Variants in TBC1D8 observed in about 807,000 individuals in gnomAD.
The protein encoded by TBC1D8 is BUB2-like protein 1.
TBC1D8 carries 65 observed loss-of-function variants against 118.8 expected under a neutral mutation model. The observed-to-expected ratio is 0.55, with a 90% confidence interval of 0.45 to 0.67. TBC1D8 has a LOEUF of 0.67. Ranked by LOEUF, TBC1D8 falls within the 30% of genes least tolerant of loss-of-function variation. The pLI is 0.00. For missense variants in TBC1D8, 1,376 were observed against 1,471.2 expected (o/e 0.94, Z 1.06); for synonymous variants, 566 against 595.8 (o/e 0.95, Z 0.73).
chr2:101,077,168 T>C (rs1469363133), intron 2 of TBC1D8, among the ~76,000 whole-genome samples: 2 of 150,914 alleles, frequency 1.3e-5, no homozygotes, highest in Admixed American at 6.6e-5. Flanking sequence ...GGACTACAGG[T>C]GCCCACCACC....
intron 2 of TBC1D8, among the ~76,000 whole-genome samples, chr2:101,074,288 C>T (rs13009132): frequency 0.21 from 32,554 of 152,124 alleles, 3,734 homozygotes; most frequent in Middle Eastern, 0.34. Context: ...AGTTCATCGT[C>T]TTACATGGTT....
At chr2:101,142,483 C>A (rs1679148286) in intron 1 of TBC1D8, among the ~76,000 whole-genome samples, 1 of 152,078 alleles carries the variant, frequency 6.6e-6, no homozygotes, top group Admixed American at 6.5e-5. Flanking sequence ...TTCACAGCAG[C>A]TTTATCTACT....
chr2:101,117,583 T>A (rs1365805720), intron 1 of TBC1D8, among the ~76,000 whole-genome samples: 2 of 147,754 alleles, frequency 1.4e-5, no homozygotes, highest in African/African-American at 5.1e-5. Flanking sequence ...TTTTTTTTTT[T>A]TTTTTTTTGA....
At chr2:101,089,799 T>C (rs1299930827) in intron 2 of TBC1D8, among the ~76,000 whole-genome samples, 2 of 151,342 alleles carry the variant, frequency 1.3e-5, no homozygotes, top group Admixed American at 6.6e-5. Context: ...AGAAACAAGA[T>C]TAAGAAGAAA....
At chr2:101,063,229 T>A (rs552127154) in intron 2 of TBC1D8, among the ~76,000 whole-genome samples, 3 of 152,220 alleles carry the variant, frequency 2.0e-5, no homozygotes, top group Non-Finnish European at 4.4e-5. Flanking sequence ...CAACACAATA[T>A]ATCCCTATGG....
intron 1 of TBC1D8, among the ~76,000 whole-genome samples, chr2:101,117,534 T>C (rs1313539664): frequency 1.3e-5 from 2 of 152,122 alleles, no homozygotes; most frequent in Admixed American, 6.5e-5. Context: ...CACTCATATG[T>C]TCAAGGCCTA....
At chr2:101,069,186 G>C (rs1019544362) in intron 2 of TBC1D8, among the ~76,000 whole-genome samples, 1 of 150,256 alleles carries the variant, frequency 6.7e-6, no homozygotes, top group African/African-American at 2.5e-5. Flanking sequence ...TAGTCTACTC[G>C]GGAGGCTGAG....
At chr2:101,025,793 G>A (rs1680304511) in intron 15 of TBC1D8, among the ~76,000 whole-genome samples, 2 of 152,184 alleles carry the variant, frequency 1.3e-5, no homozygotes, top group African/African-American at 4.8e-5. Context: ...GCCGTTTCAG[G>A]CCCCAATGGC....
At chr2:101,140,073 TA>T (rs1573108603) in intron 1 of TBC1D8, among the ~76,000 whole-genome samples, 1 of 152,188 alleles carries the variant, frequency 6.6e-6, no homozygotes, top group South Asian at 2.1e-4. Context: ...GTTTGAAGCA[TA>T]AAACCTCCCC....
At chr2:101,085,983 T>C (rs1183458595) in intron 2 of TBC1D8, among the ~76,000 whole-genome samples, 2 of 151,828 alleles carry the variant, frequency 1.3e-5, no homozygotes, top group East Asian at 3.9e-4. Flanking sequence ...CTACTAAAAA[T>C]ACAAAAAAAT....
intron 10 of TBC1D8, chr2:101,032,729 C>A: frequency 5.0e-6 from 1 of 199,626 alleles, no homozygotes; most frequent in Non-Finnish European, 1.0e-5. Flanking sequence ...AAACTTAATT[C>A]GCTCACTGAC....
intron 1 of TBC1D8, among the ~76,000 whole-genome samples, chr2:101,122,444 G>A (rs1379618563): frequency 7.9e-6 from 1 of 126,544 alleles, no homozygotes; most frequent in Non-Finnish European, 1.7e-5. Flanking sequence ...AATACAAAAA[G>A]GTTAACTGTG....
chr2:101,061,943 C>G (rs978594964), intron 2 of TBC1D8, among the ~76,000 whole-genome samples: 2 of 152,234 alleles, frequency 1.3e-5, no homozygotes, highest in African/African-American at 4.8e-5. Context: ...CTTTCCCTAC[C>G]TGCACTGAGG....
chr2:101,047,250 C>T (rs907149899), intron 5 of TBC1D8, among the ~76,000 whole-genome samples: 1 of 152,156 alleles, frequency 6.6e-6, no homozygotes, highest in Non-Finnish European at 1.5e-5. Context: ...GACAATGCAC[C>T]CCCTACCCTC....
At chr2:101,137,036 T>C (rs1226303946) in intron 1 of TBC1D8, among the ~76,000 whole-genome samples, 2 of 150,562 alleles carry the variant, frequency 1.3e-5, no homozygotes, top group African/African-American at 2.4e-5. Context: ...TAATTCTTTT[T>C]TTTTTTTTTT....
chr2:101,076,402 A>G (rs1227766352), intron 2 of TBC1D8, among the ~76,000 whole-genome samples: 1 of 152,246 alleles, frequency 6.6e-6, no homozygotes, highest in African/African-American at 2.4e-5. Flanking sequence ...TAGGAGTGAG[A>G]CATCCAGATG....
intron 1 of TBC1D8, among the ~76,000 whole-genome samples, chr2:101,123,229 C>T (rs1193154701): frequency 6.6e-6 from 1 of 152,094 alleles, no homozygotes; most frequent in Non-Finnish European, 1.5e-5. Context: ...TCATCGTGAC[C>T]AGCCTGGGGA....
At chr2:101,116,210 C>T (rs1474642708) in intron 1 of TBC1D8, among the ~76,000 whole-genome samples, 1 of 152,146 alleles carries the variant, frequency 6.6e-6, no homozygotes, top group African/African-American at 2.4e-5. Context: ...TGGTTGCCCA[C>T]AGATGCATAA....
At chr2:101,111,496 G>A (rs1050338502) in intron 1 of TBC1D8, among the ~76,000 whole-genome samples, 1 of 152,216 alleles carries the variant, frequency 6.6e-6, no homozygotes, top group Non-Finnish European at 1.5e-5. Context: ...AGCATTTCAA[G>A]GGCATTGCAA....
Sources: gnomAD v4.1 joint callset for allele counts (sites outside exome capture counted in the v4.1 genomes callset) on GRCh38, gnomAD v4.1.1 for gene constraint, MANE v1.5 for transcripts, NCBI Gene and HGNC (gene_info 2026-07-23, HGNC 2026-07-21) for gene names.